The following RBBP7 variants were observed in gnomAD, a reference collection of about 807,000 sequenced individuals.
The protein encoded by RBBP7 is histone-binding protein RBBP7.
Under a neutral mutation model 35.2 loss-of-function variants are expected in RBBP7, and 5 were observed. That is an observed-to-expected ratio of 0.14 (90% CI 0.07 to 0.30). The LOEUF (loss-of-function observed/expected upper bound fraction) is 0.30, where lower values mean the gene tolerates loss of function less well. Among genes scored for constraint, RBBP7 ranks in the 10% least tolerant of loss-of-function variants. The probability of loss-of-function intolerance (pLI) is 1.00; values close to 1 mark genes in which losing one functional copy is unlikely to be tolerated. For synonymous variants in RBBP7, 140 were observed against 118.7 expected, an observed-to-expected ratio of 1.18 and a Z score of -1.17; for missense variants, 155 against 327.5, an observed-to-expected ratio of 0.47 and a Z score of 4.07.
chrX:16,863,840 G>A (rs1233022002), intron 2 of RBBP7, among the ~76,000 whole-genome samples: 1 of 111,522 alleles, frequency 9.0e-6, no homozygotes, highest in African/African-American at 3.3e-5. Flanking sequence ...CTTGGTCCGA[G>A]CAGTGATTTT....
At chrX:16,862,440 C>T (rs1212254710) in intron 3 of RBBP7, among the ~76,000 whole-genome samples, 1 of 111,815 alleles carries the variant, frequency 8.9e-6, no homozygotes, top group East Asian at 2.8e-4. Context: ...ACACATATTA[C>T]TTTTACCAAA....
chrX:16,865,329 G>A (rs761564917), intron 2 of RBBP7, among the ~76,000 whole-genome samples: 1 of 112,002 alleles, frequency 8.9e-6, no homozygotes, highest in East Asian at 2.8e-4. Context: ...TGCTGGTACT[G>A]TCATCAAAGG....
At chrX:16,858,194 T>A (rs1157291483) in intron 4 of RBBP7, among the ~76,000 whole-genome samples, 1 of 111,628 alleles carries the variant, frequency 9.0e-6, no homozygotes, top group African/African-American at 3.3e-5. Flanking sequence ...AGATTCACAA[T>A]GTATTTGGCT....
intron 9 of RBBP7, 122 bp from the exon 10 acceptor site, chrX:16,849,423 T>C (rs1298126514): frequency 3.4e-6 from 2 of 589,397 alleles, no homozygotes; most frequent in Non-Finnish European, 5.3e-6. Flanking sequence ...AAACAACTTA[T>C]TTCTATACTA....
At chrX:16,853,031 A>G in intron 6 of RBBP7, 156 bp from the exon 7 acceptor site, 2 of 862,039 alleles carry the variant, frequency 2.3e-6, no homozygotes, top group Non-Finnish European at 3.2e-6. Flanking sequence ...TCGACCACTA[A>G]ATGATACATT....
Position 16,857,904 on chromosome X carries a change from A to G in RBBP7, c.482-195T>C, listed in dbSNP as rs180777909. Among the ~76,000 whole-genome samples the G allele has an allele frequency of 9.1e-4, 101 of 111,407 alleles. 2 individuals are homozygous for G. Among genetic ancestry groups the G allele is most frequent in the Admixed American group, 8.6e-4 (9 of 10,454 alleles). ...TGGAAAACCTAATACTATCCCCAAC[A>G]CAAAAATATTAAAAACTATAGCTAT... is the stretch of plus-strand genomic sequence containing the variant. On this transcript the variant is annotated intron_variant, in intron 4 of 11. Transcript: ENST00000380087.
intron 2 of RBBP7, among the ~76,000 whole-genome samples, chrX:16,868,504 T>C (rs1930683085): frequency 8.9e-6 from 1 of 112,532 alleles, no homozygotes. Context: ...GCTCAATAAA[T>C]GCCAGCAATT....
At chrX:16,846,336 A>T (rs1453886516) in intron 10 of RBBP7, 1 of 118,414 alleles carries the variant, frequency 8.4e-6, no homozygotes, top group Admixed American at 8.9e-5. Flanking sequence ...TTGCTCATAT[A>T]CAGTTAGGTG....
intron 2 of RBBP7, among the ~76,000 whole-genome samples, chrX:16,863,540 A>G (rs747472108): frequency 8.9e-6 from 1 of 112,244 alleles, no homozygotes; most frequent in Non-Finnish European, 1.9e-5. Flanking sequence ...TTATTTCCCA[A>G]TAAGAAATTC....
At position 16,858,534 on chromosome X, in the gene RBBP7, G is replaced by A. The variant is rs368449711; in HGVS notation, c.481+142C>T. The stretch of plus-strand genomic sequence containing the variant: ...TTTTAGGTAGTTCTGGCAAATCCCT[G>A]AACTTGAGGATGGTTATGGGACCCC... On this transcript the variant is annotated intron_variant, in intron 4 of 11. Coordinates refer to ENST00000380087, the MANE Select transcript of RBBP7 (RefSeq NM_002893.4). 7.6e-6 allele frequency: 7 copies of A among 926,407 alleles called. No homozygotes were observed. In the East Asian group the frequency reaches 1.6e-4, roughly 22 times the overall value. The allele number at this position is 926,407 out of a possible 1,213,427, so 76.3% of individuals were successfully genotyped here. A position where few individuals can be genotyped will look rare whatever the true frequency, so the allele number is the denominator to read the frequency against.
At chrX:16,854,984 G>C (rs1331670402) in intron 5 of RBBP7, among the ~76,000 whole-genome samples, 3 of 63,810 alleles carry the variant, frequency 4.7e-5, no homozygotes, top group African/African-American at 3.2e-4. Flanking sequence ...CACTGGTATG[G>C]GTTTTTTTTT....
At chrX:16,850,069 A>C (rs758630040) in intron 9 of RBBP7, among the ~76,000 whole-genome samples, 25 of 112,221 alleles carry the variant, frequency 2.2e-4, no homozygotes, top group African/African-American at 7.4e-4. Context: ...CCAGCCCTCC[A>C]AGTGAGACAT....
At chrX:16,852,990 G>GA in intron 6 of RBBP7, 115 bp from the exon 7 acceptor site, 38 of 1,106,643 alleles carry the variant, frequency 3.4e-5, no homozygotes, top group Non-Finnish European at 4.6e-5. Context: ...CCTTCATGAA[G>GA]AAACCAACCA....
At chrX:16,865,128 T>C (rs1458773637) in intron 2 of RBBP7, among the ~76,000 whole-genome samples, 3 of 100,594 alleles carry the variant, frequency 3.0e-5, no homozygotes, top group African/African-American at 1.1e-4. Flanking sequence ...CTCACGCCTC[T>C]AATCCCAGCA....
At position 16,869,092 on chromosome X, in the gene RBBP7, G is replaced by A. The variant is rs776697406; in HGVS notation, c.145C>T (p.Leu49Phe). The change falls in exon 2 of 12, where the codon CTT (leucine) becomes TTT (phenylalanine). Residue 49 changes from leucine to phenylalanine, a missense_variant. This residue lies in a region of RBBP7 where 59 missense variants were observed against 90.4 expected (regional missense o/e 0.65). Coordinates refer to ENST00000380087, the MANE Select transcript of RBBP7 (RefSeq NM_002893.4). Reference sequence around the variant, plus strand: ...AACCCTTACTTAGTCACTTCAGGAAGCCACTGAACGGTAAGACTGGGCCAC... The same window carrying A: ...AACCCTTACTTAGTCACTTCAGGAAACCACTGAACGGTAAGACTGGGCCAC... The part of the protein sequence containing the change: ...LQWPSLTVQW[L>F]PEVTKPEGKD... The A allele has an allele frequency of 8.3e-7, 1 of 1,208,636 alleles. No homozygotes were observed. Among genetic ancestry groups the A allele is most frequent in the Non-Finnish European group, 1.1e-6 (1 of 894,478 alleles).
Position 16,867,785 on chromosome X carries a change from G to A in RBBP7, c.161+1291C>T, listed in dbSNP as rs192411475. Among the ~76,000 whole-genome samples the A allele has an allele frequency of 3.9e-3, 432 of 110,161 alleles. 2 individuals carry two copies. The highest frequency in any genetic ancestry group is 0.011 in the South Asian group (29 of 2,606). On this transcript the variant is annotated intron_variant, in intron 2 of 11. Transcript: ENST00000380087. ...CCTCCCAGGTTCAAGCAATTCTCCT[G>A]CCTCTGCCTCCCTGTAGCCTGTAGC...
chrX:16,869,363 G>A, intron 1 of RBBP7, 143 bp from the exon 2 acceptor site: 2 of 1,052,149 alleles, frequency 1.9e-6, no homozygotes, highest in Non-Finnish European at 2.6e-6. Context: ...TGCTCTTCCA[G>A]AAGGTGGAGA....
intron 10 of RBBP7, chrX:16,848,823 G>C (rs1930147779): frequency 8.7e-6 from 1 of 114,512 alleles, no homozygotes. Flanking sequence ...GAGGGAGATA[G>C]TGGGCTCTGC....
intron 3 of RBBP7, among the ~76,000 whole-genome samples, chrX:16,859,904 T>C (rs754753463): frequency 1.3e-4 from 15 of 111,255 alleles, no homozygotes; most frequent in Non-Finnish European, 2.3e-4. Flanking sequence ...TGTCTTAATA[T>C]CAGTATCTAG....
Sources: gnomAD v4.1 joint callset for allele counts (sites outside exome capture counted in the v4.1 genomes callset) on GRCh38, gnomAD v4.1.1 for gene constraint, gnomAD v4.1.1 regional missense constraint, MANE v1.5 for transcripts, NCBI Gene and HGNC (gene_info 2026-07-23, HGNC 2026-07-21) for gene names.